The following EYS variants were observed in gnomAD, a reference collection of about 807,000 sequenced individuals.
EYS encodes the protein EGF-like photoreceptor maintenance factor, also known as protein eyes shut homolog.
EYS carries 250 observed loss-of-function variants against 282.1 expected under a neutral mutation model. The observed-to-expected ratio is 0.89, with a 90% CI of 0.80 to 0.98. The LOEUF (loss-of-function observed/expected upper bound fraction) is 0.98. Among genes scored for constraint, EYS ranks in the 50% least tolerant of loss-of-function variants. The pLI is 0.00. For missense variants in EYS, 4,016 were observed against 3,709.0 expected (o/e 1.08, Z -2.15); for synonymous variants, 1,355 against 1,282.9 (o/e 1.06, Z -1.20).
intron 36 of EYS, among the ~76,000 whole-genome samples, chr6:63,819,542 C>T (rs1215718171): frequency 2.6e-5 from 4 of 152,188 alleles, no homozygotes; most frequent in African/African-American, 9.7e-5. Flanking sequence ...TCACAGCATA[C>T]ATGACATCTT....
chr6:64,161,296 A>G (rs1261292357), intron 31 of EYS, among the ~76,000 whole-genome samples: 1 of 152,232 alleles, frequency 6.6e-6, no homozygotes, highest in African/African-American at 2.4e-5. Context: ...GATCTGACTG[A>G]CCACATCTAA....
intron 12 of EYS, among the ~76,000 whole-genome samples, chr6:65,245,427 T>C (rs1335000372): frequency 1.3e-5 from 2 of 152,172 alleles, no homozygotes; most frequent in African/African-American, 2.4e-5. Flanking sequence ...AAATTAAAAC[T>C]GTATTTCATT....
At chr6:63,982,242 A>C (rs771054161) in intron 35 of EYS, among the ~76,000 whole-genome samples, 7 of 151,928 alleles carry the variant, frequency 4.6e-5, no homozygotes, top group Non-Finnish European at 8.8e-5. Flanking sequence ...TATTAACACC[A>C]ACTTAGCACC....
chr6:65,051,250 A>G (rs1773259718), intron 13 of EYS, among the ~76,000 whole-genome samples: 1 of 151,526 alleles, frequency 6.6e-6, no homozygotes, highest in Non-Finnish European at 1.5e-5. Flanking sequence ...ACAGAAATAT[A>G]AGGACAATTG....
intron 13 of EYS, among the ~76,000 whole-genome samples, chr6:65,037,035 A>G (rs1772792976): frequency 6.6e-6 from 1 of 151,998 alleles, no homozygotes; most frequent in Non-Finnish European, 1.5e-5. Context: ...CACTATTCCT[A>G]ATAGCAAAGT....
chr6:65,004,681 G>C (rs527334912), intron 13 of EYS, among the ~76,000 whole-genome samples: 4 of 147,818 alleles, frequency 2.7e-5, no homozygotes, highest in South Asian at 2.2e-4. Context: ...AAGTGCCAAT[G>C]CTTATTGAAT....
At chr6:65,330,857 A>G in intron 11 of EYS, 2 of 941,788 alleles carry the variant, frequency 2.1e-6, no homozygotes, top group Non-Finnish European at 2.5e-6. Flanking sequence ...TATATAAGGT[A>G]TAAGGTTGTA....
At chr6:64,544,013 T>A (rs969022667) in intron 26 of EYS, among the ~76,000 whole-genome samples, 15 of 152,332 alleles carry the variant, frequency 9.8e-5, no homozygotes, top group African/African-American at 3.6e-4. Flanking sequence ...AGAAAGAATA[T>A]GTTGGATGTA....
chr6:63,880,540 T>G (rs1773106779), intron 35 of EYS, among the ~76,000 whole-genome samples: 1 of 146,762 alleles, frequency 6.8e-6, no homozygotes, highest in Non-Finnish European at 1.5e-5. Flanking sequence ...TTCTGTCCCT[T>G]TATGGAAACC....
At chr6:64,125,509 G>A (rs971613810) in intron 31 of EYS, among the ~76,000 whole-genome samples, 5 of 151,966 alleles carry the variant, frequency 3.3e-5, no homozygotes, top group African/African-American at 4.8e-5. Context: ...GGCCGGGCGC[G>A]GTGGCTCACG....
At chr6:64,694,451 C>T (rs897390893) in intron 22 of EYS, among the ~76,000 whole-genome samples, 78 of 152,172 alleles carry the variant, frequency 5.1e-4, no homozygotes, top group African/African-American at 1.8e-3. Context: ...CAGGGGAACT[C>T]CTTGACCCTG....
chr6:64,106,075 A>G (rs2150262388), intron 31 of EYS, among the ~76,000 whole-genome samples: 1 of 152,290 alleles, frequency 6.6e-6, no homozygotes, highest in East Asian at 1.9e-4. Context: ...TTGGATTAAT[A>G]GCTACCATAT....
chr6:64,282,343 TAG>T (rs1315562512), intron 30 of EYS, among the ~76,000 whole-genome samples: 2 of 152,142 alleles, frequency 1.3e-5, no homozygotes, highest in African/African-American at 4.8e-5. Context: ...GCTTCCAAAT[TAG>T]AGTCAACCTT....
chr6:65,039,430 C>CT (rs1346887545), intron 13 of EYS, among the ~76,000 whole-genome samples: 1 of 151,300 alleles, frequency 6.6e-6, no homozygotes, highest in Non-Finnish European at 1.5e-5. Flanking sequence ...AATTTGTCAA[C>CT]TTTTTCTTGT....
At chr6:64,173,442 G>A (rs1239416288) in intron 31 of EYS, among the ~76,000 whole-genome samples, 2 of 152,150 alleles carry the variant, frequency 1.3e-5, no homozygotes, top group East Asian at 1.9e-4. Flanking sequence ...AGTCCTTGGA[G>A]TTTAGGAGTT....
chr6:64,870,189 A>G (rs553866665), intron 19 of EYS, among the ~76,000 whole-genome samples: 1 of 151,732 alleles, frequency 6.6e-6, no homozygotes, highest in East Asian at 1.9e-4. Flanking sequence ...GTATATACCA[A>G]AGAGAATTGA....
Position 64,081,844 on chromosome 6 carries a change from T to C in EYS, c.6571+12A>G. 29 of 1,489,678 alleles carry C rather than the reference T, an allele frequency of 1.9e-5. No homozygotes were observed. Among genetic ancestry groups the C allele is most frequent in the Non-Finnish European group, 2.6e-5 (29 of 1,104,364 alleles). 92.3% of individuals were successfully genotyped at this position (1,489,678 alleles called of 1,614,324 possible). A position where few individuals can be genotyped will look rare whatever the true frequency, so the allele number is the denominator to read the frequency against. On this transcript the variant is annotated intron_variant, in intron 32 of 42. Coordinates refer to ENST00000503581, the MANE Select transcript of EYS (RefSeq NM_001142800.2). ...AACATGACATACAAGAAGTCAAACA[T>C]TTAATACTCACTGTAAAGAATAGTT...
intron 12 of EYS, among the ~76,000 whole-genome samples, chr6:65,238,357 G>A (rs1287775700): frequency 6.6e-6 from 1 of 151,350 alleles, no homozygotes; most frequent in Non-Finnish European, 1.5e-5. Context: ...ATATTTCACT[G>A]TCACTTGTCA....
chr6:65,648,024 A>ATAAAAAG (rs1193553072), intron 1 of EYS, among the ~76,000 whole-genome samples: 1 of 151,980 alleles, frequency 6.6e-6, no homozygotes, highest in African/African-American at 2.4e-5. Context: ...AAAATAAAAA[A>ATAAAAAG]TAATAGATCT....
Sources: allele counts gnomAD v4.1 joint callset (sites outside exome capture counted in the v4.1 genomes callset), GRCh38; gene constraint gnomAD v4.1.1; transcripts MANE v1.5; gene names NCBI Gene and HGNC (gene_info 2026-07-23, HGNC 2026-07-21).